The following NRG1 variants were observed in gnomAD, a reference collection of about 807,000 sequenced individuals.
The protein encoded by NRG1 is pro-neuregulin-1, membrane-bound isoform.
In NRG1, 18 loss-of-function variants were observed where a neutral mutation model predicts 63.8. The observed-to-expected ratio is 0.28, with a 90% CI of 0.19 to 0.42. NRG1 has a LOEUF of 0.42. Ranked by LOEUF, NRG1 falls within the 10% of genes least tolerant of loss-of-function variation. NRG1 has a pLI of 1.00. For synonymous variants in NRG1, 302 were observed against 301.3 expected, an observed-to-expected ratio of 1.00 and a Z score of -0.02; for missense variants, 762 against 814.7, an observed-to-expected ratio of 0.94 and a Z score of 0.79.
intron 1 of NRG1, among the ~76,000 whole-genome samples, chr8:31,689,406 A>G (rs999468515): frequency 1.3e-5 from 2 of 152,242 alleles, no homozygotes; most frequent in African/African-American, 4.8e-5. Context: ...ATTATAATTT[A>G]GTACATTATT....
intron 1 of NRG1, among the ~76,000 whole-genome samples, chr8:31,801,074 C>T (rs1275848308): frequency 6.6e-6 from 1 of 151,748 alleles, no homozygotes; most frequent in Non-Finnish European, 1.5e-5. Flanking sequence ...GTCTCGATCT[C>T]CTGACCTCGT....
intron 1 of NRG1, among the ~76,000 whole-genome samples, chr8:32,274,611 A>C (rs1426533946): frequency 2.0e-5 from 3 of 152,190 alleles, no homozygotes; most frequent in Non-Finnish European, 4.4e-5. Flanking sequence ...TGCCTGCTAC[A>C]TCTGACTGTA....
At chr8:32,531,162 AAAAG>A (rs929961524) in intron 1 of NRG1, among the ~76,000 whole-genome samples, 3 of 152,100 alleles carry the variant, frequency 2.0e-5, no homozygotes, top group South Asian at 2.1e-4. Context: ...GAAAAGAGAG[AAAAG>A]AAAGAAAGAG....
At chr8:32,414,542 T>C (rs1026944750) in intron 1 of NRG1, among the ~76,000 whole-genome samples, 2 of 152,212 alleles carry the variant, frequency 1.3e-5, no homozygotes, top group African/African-American at 2.4e-5. Context: ...AAGATTTCTA[T>C]AGATATGCAT....
At chr8:32,308,063 C>T (rs1856420794) in intron 1 of NRG1, among the ~76,000 whole-genome samples, 1 of 152,154 alleles carries the variant, frequency 6.6e-6, no homozygotes, top group Non-Finnish European at 1.5e-5. Flanking sequence ...TTTCAACCTG[C>T]ACTCACCCAC....
intron 1 of NRG1, among the ~76,000 whole-genome samples, chr8:31,963,037 G>A (rs1489563677): frequency 6.6e-6 from 1 of 152,174 alleles, no homozygotes; most frequent in Admixed American, 6.5e-5. Context: ...TATTCCCAGT[G>A]CCTTGTAATT....
intron 1 of NRG1, among the ~76,000 whole-genome samples, chr8:32,229,847 A>ATT (rs145161997): frequency 4.6e-5 from 7 of 150,822 alleles, no homozygotes; most frequent in African/African-American, 1.7e-4. Context: ...ACATTTTTTC[A>ATT]TTTTTTTTTC....
At chr8:31,950,278 G>A (rs927750364) in intron 1 of NRG1, among the ~76,000 whole-genome samples, 3 of 152,160 alleles carry the variant, frequency 2.0e-5, no homozygotes, top group East Asian at 1.9e-4. Context: ...TAGTGTAATC[G>A]GGTTGTTTGA....
At chr8:31,875,203 G>A (rs566173803) in intron 1 of NRG1, among the ~76,000 whole-genome samples, 108 of 152,234 alleles carry the variant, frequency 7.1e-4, no homozygotes, top group Non-Finnish European at 1.2e-3. Flanking sequence ...CTTCAGTGAA[G>A]GAAATTATAA....
chr8:32,498,712 G>C (rs1317792727), intron 1 of NRG1, among the ~76,000 whole-genome samples: 1 of 152,150 alleles, frequency 6.6e-6, no homozygotes, highest in Non-Finnish European at 1.5e-5. Context: ...GCCTATTTTA[G>C]TAAGTTTTGT....
At chr8:32,511,403 A>T (rs1406451862) in intron 1 of NRG1, among the ~76,000 whole-genome samples, 1 of 144,828 alleles carries the variant, frequency 6.9e-6, no homozygotes, top group Non-Finnish European at 1.5e-5. Flanking sequence ...ATATATAAAT[A>T]AAATAAATAG....
At position 31,945,207 on chromosome 8, in the gene NRG1, T is replaced by C. The variant is rs551317907; in HGVS notation, c.37+305776T>C. Among the ~76,000 whole-genome samples the C allele has an allele frequency of 5.3e-5, 8 of 152,310 alleles. No individual in the cohort carries two copies. The East Asian group carries it at 1.5e-3, about 29-fold the overall frequency. On this transcript the variant is annotated intron_variant, in intron 1 of 10. Coordinates refer to the NRG1 transcript ENST00000519301. ...TCTGATACTGTTTCCCTAGTTGATA[T>C]GTTTGGATATTTTCCATACTATGCA... is the stretch of plus-strand genomic sequence containing the variant.
intron 1 of NRG1, among the ~76,000 whole-genome samples, chr8:31,723,389 C>G (rs576494330): frequency 6.6e-6 from 1 of 152,236 alleles, no homozygotes; most frequent in South Asian, 2.1e-4. Context: ...GCAGAACTTT[C>G]AAAAACAAGA....
At chr8:32,406,485 G>A (rs925674695) in intron 1 of NRG1, among the ~76,000 whole-genome samples, 2 of 152,118 alleles carry the variant, frequency 1.3e-5, no homozygotes, top group African/African-American at 4.8e-5. Context: ...CCTGGTATGT[G>A]CAAGCACTGT....
Position 32,721,778 on chromosome 8 carries a change from A to G in NRG1, c.503-6171A>G, listed in dbSNP as rs773264121. On this transcript the variant is annotated intron_variant, in intron 5 of 11. Transcript: ENST00000356819. Reference sequence around the variant, plus strand: ...TCTGAACCTTTCCTTTGGAAAACTAATGACTCCACCTATCATTCCCTTGGC... The same window carrying G: ...TCTGAACCTTTCCTTTGGAAAACTAGTGACTCCACCTATCATTCCCTTGGC... The G allele has an allele frequency of 3.9e-4, 471 of 1,207,954 alleles. 2 individuals are homozygous for G. In the Middle Eastern group the frequency reaches 4.7e-3, roughly 12 times the overall value. 74.8% of individuals were successfully genotyped at this position (1,207,954 alleles called of 1,614,324 possible).
At chr8:32,076,459 C>G (rs112859578) in intron 1 of NRG1, among the ~76,000 whole-genome samples, 1 of 151,856 alleles carries the variant, frequency 6.6e-6, no homozygotes, top group African/African-American at 2.4e-5. Context: ...ATTCTGTTAA[C>G]ATAGTTCACG....
intron 1 of NRG1, among the ~76,000 whole-genome samples, chr8:31,832,854 T>A (rs554030235): frequency 6.6e-6 from 1 of 152,286 alleles, no homozygotes; most frequent in African/African-American, 2.4e-5. Context: ...TCTAATGTAC[T>A]TTATCAGGGT....
At chr8:31,866,183 C>A (rs542620818) in intron 1 of NRG1, among the ~76,000 whole-genome samples, 93 of 152,280 alleles carry the variant, frequency 6.1e-4, no homozygotes, top group African/African-American at 1.9e-3. Context: ...CTATAGGTAA[C>A]TCTAGTTCAG....
chr8:32,565,267 A>G (rs887501542), intron 1 of NRG1, among the ~76,000 whole-genome samples: 1 of 152,012 alleles, frequency 6.6e-6, no homozygotes, highest in African/African-American at 2.4e-5. Flanking sequence ...CCTGTATCCC[A>G]TTCTCTTCCC....
Sources: allele counts gnomAD v4.1 joint callset (sites outside exome capture counted in the v4.1 genomes callset), GRCh38; gene constraint gnomAD v4.1.1; transcripts MANE v1.5; gene names NCBI Gene and HGNC (gene_info 2026-07-23, HGNC 2026-07-21).